MBP: variants seen among roughly 807,000 people sequenced by gnomAD.
MBP encodes Golli-MBP.
Under a neutral mutation model 35.8 loss-of-function variants are expected in MBP, and 16 were observed. That is an observed-to-expected ratio of 0.45 (90% confidence interval 0.30 to 0.68). The LOEUF (loss-of-function observed/expected upper bound fraction) is 0.68, where lower values mean the gene tolerates loss of function less well. Ranked by LOEUF, MBP falls within the 30% of genes least tolerant of loss-of-function variation. MBP has a pLI of 0.08. For synonymous variants in MBP, 143 were observed against 159.6 expected (o/e 0.90, Z 0.78); for missense variants, 380 against 404.7 (o/e 0.94, Z 0.52).
chr18:77,121,479 C>A (rs1364748062), intron 1 of MBP, among the ~76,000 whole-genome samples: 1 of 152,184 alleles, frequency 6.6e-6, no homozygotes, highest in East Asian at 1.9e-4. Context: ...AAGGCTGCTG[C>A]CAGGCCTCAG....
chr18:77,091,005 G>A (rs1296978318), intron 2 of MBP, among the ~76,000 whole-genome samples: 2 of 152,258 alleles, frequency 1.3e-5, no homozygotes, highest in African/African-American at 2.4e-5. Context: ...AGGGCAGAGA[G>A]TGAGCCTGGG....
At chr18:77,047,845 T>C (rs1973318897) in intron 3 of MBP, among the ~76,000 whole-genome samples, 1 of 152,204 alleles carries the variant, frequency 6.6e-6, no homozygotes, top group African/African-American at 2.4e-5. Context: ...ACTGATTATT[T>C]ACCAGAACAG....
At chr18:77,121,748 A>C (rs1367583115) in intron 1 of MBP, among the ~76,000 whole-genome samples, 2 of 152,168 alleles carry the variant, frequency 1.3e-5, no homozygotes, top group East Asian at 1.9e-4. Context: ...TTATATTTAT[A>C]TTTATATTTC....
intron 2 of MBP, among the ~76,000 whole-genome samples, chr18:77,079,271 C>A (rs1165778358): frequency 4.6e-5 from 7 of 152,228 alleles, no homozygotes; most frequent in African/African-American, 1.4e-4. Flanking sequence ...GAGCTCTTAA[C>A]CCTGATGGGC....
intron 2 of MBP, among the ~76,000 whole-genome samples, chr18:77,093,876 A>G (rs1201917341): frequency 3.9e-5 from 6 of 152,124 alleles, no homozygotes; most frequent in Non-Finnish European, 5.9e-5. Context: ...CACCAGTACC[A>G]TGCCTTACGC....
intron 2 of MBP, among the ~76,000 whole-genome samples, chr18:77,068,318 A>G (rs553505395): frequency 6.1e-4 from 93 of 152,306 alleles, no homozygotes; most frequent in African/African-American, 1.7e-3. Flanking sequence ...ACCAAGCCCA[A>G]ATGAAGATCT....
rs1975147532 is a variant in MBP at position 77,084,603 on chromosome 18, G to A, written c.52-18218C>T. Among the ~76,000 whole-genome samples, 4 of 152,054 alleles carry A rather than the reference G, an allele frequency of 2.6e-5. No individual in the cohort carries two copies. The South Asian group carries it at 8.3e-4, about 31-fold the overall frequency. ...ATCCTCCTTATTTTTCCTTAAAAAA[G>A]CTTTGTCTTCTCTCACCTCCCGGAA... On this transcript the variant is annotated intron_variant, in intron 2 of 8. Transcript: ENST00000355994.
intron 8 of MBP, chr18:76,981,080 A>G (rs1969171155): frequency 6.5e-6 from 1 of 154,020 alleles, no homozygotes; most frequent in Non-Finnish European, 1.4e-5. Flanking sequence ...AATAATTTCG[A>G]TGTTTAAAAG....
At chr18:77,063,925 TGTGTGTA>T (rs1215989913) in intron 3 of MBP, among the ~76,000 whole-genome samples, 9 of 148,472 alleles carry the variant, frequency 6.1e-5, no homozygotes, top group Non-Finnish European at 1.2e-4. Flanking sequence ...TGTGTGTGTA[TGTGTGTA>T]TTTGATGGTA....
intron 2 of MBP, among the ~76,000 whole-genome samples, chr18:77,077,574 G>C (rs1974715414): frequency 6.6e-6 from 1 of 152,134 alleles, no homozygotes; most frequent in Non-Finnish European, 1.5e-5. Context: ...CCCTGTGGTG[G>C]GGCAGGGTCC....
In MBP at chr18:76,988,298, A is replaced by T; in HGVS notation, c.750+197T>A. 6.4e-7 allele frequency: 1 copy of T among 1,556,280 alleles called. No homozygotes were observed. The highest frequency in any genetic ancestry group is 8.7e-7 in the Non-Finnish European group (1 of 1,149,740). The stretch of plus-strand genomic sequence containing the variant: ...CCCCGGCACAGAAGCAAGAGACCAG[A>T]CCTTCCGGAAGGGAAGACCACGTTT... On this transcript the variant is annotated intron_variant, in intron 7 of 8. Transcript: ENST00000355994. The surrounding 1 kb of genome is among the most constrained non-coding windows in gnomAD (Gnocchi z 5.2).
At chr18:76,997,110 C>A (rs1211650832) in intron 4 of MBP, among the ~76,000 whole-genome samples, 1 of 152,216 alleles carries the variant, frequency 6.6e-6, no homozygotes, top group African/African-American at 2.4e-5. Context: ...CAACCCTCAT[C>A]TGGCATTGGA....
In MBP at chr18:77,089,183, G is replaced by A. The variant is rs369862700; in HGVS notation, c.51+16028C>T. 4.6e-5 allele frequency among the ~76,000 whole-genome samples: 7 copies of A among 152,368 alleles called. No individual in the cohort carries two copies. The East Asian group carries it at 1.3e-3, about 29-fold the overall frequency. ...ACACGGCCTGCCTTCCACAGCCCCT[G>A]GGTGTTCATTCCATTCCTAGGTGTG... On this transcript the variant is annotated intron_variant, in intron 2 of 8. Coordinates refer to ENST00000355994, the MANE Select transcript of MBP (RefSeq NM_001025101.2).
At chr18:77,108,035 G>A (rs539026787) in intron 1 of MBP, among the ~76,000 whole-genome samples, 12 of 152,308 alleles carry the variant, frequency 7.9e-5, no homozygotes, top group East Asian at 7.7e-4. Context: ...CCTGAGCACC[G>A]GTAAGTGAGA....
At position 77,105,038 on chromosome 18, in the gene MBP, G is replaced by A. The variant is rs147540940; in HGVS notation, c.51+173C>T. ...ATAAATTAATAATTAATAATCAATC[G>A]TAATAAATCATAATTAATTATTAAT... On this transcript the variant is annotated intron_variant, in intron 2 of 8. Transcript: ENST00000355994. Among the ~76,000 whole-genome samples, 216 of 91,114 alleles carry A rather than the reference G, an allele frequency of 2.4e-3. 3 individuals are homozygous for A. The highest frequency in any genetic ancestry group is 7.4e-3 in the African/African-American group (200 of 26,850). The allele number at this position is 91,114 out of a possible 152,430, so 59.8% of individuals were successfully genotyped here. A position where few individuals can be genotyped will look rare whatever the true frequency, so the allele number is the denominator to read the frequency against.
intron 4 of MBP, among the ~76,000 whole-genome samples, chr18:76,992,890 C>T (rs1405437419): frequency 6.6e-6 from 1 of 152,208 alleles, no homozygotes; most frequent in Non-Finnish European, 1.5e-5. Flanking sequence ...CGACCATCTT[C>T]CATGTGGATG....
At chr18:77,004,726 C>T (rs3794843) in intron 4 of MBP, 39,305 of 152,260 alleles carry the variant, frequency 0.26, 5,327 homozygotes, top group Non-Finnish European at 0.31. Flanking sequence ...CGGCCGCTGG[C>T]GCCCGTGGCT....
At chr18:77,091,117 T>C (rs1975504536) in intron 2 of MBP, among the ~76,000 whole-genome samples, 1 of 152,208 alleles carries the variant, frequency 6.6e-6, no homozygotes, top group Non-Finnish European at 1.5e-5. Flanking sequence ...TGAACATTTC[T>C]AGACACTGGT....
intron 2 of MBP, among the ~76,000 whole-genome samples, chr18:77,104,107 G>T (rs1976159956): frequency 6.6e-6 from 1 of 152,256 alleles, no homozygotes; most frequent in African/African-American, 2.4e-5. Context: ...AGAAGGGCTG[G>T]AGCCAGAGGC....
Sources: allele counts gnomAD v4.1 joint callset (sites outside exome capture counted in the v4.1 genomes callset), GRCh38; gene constraint gnomAD v4.1.1; non-coding constraint Gnocchi (gnomAD v3.1); transcripts MANE v1.5; gene names NCBI Gene and HGNC (gene_info 2026-07-23, HGNC 2026-07-21).